The following PSMA3 variants were observed in gnomAD, a reference collection of about 807,000 sequenced individuals.
PSMA3 encodes proteasome 20S subunit alpha 3.
Under a neutral mutation model 40.0 loss-of-function variants are expected in PSMA3, and 8 were observed. The observed-to-expected ratio is 0.20, with a 90% confidence interval of 0.12 to 0.36. The LOEUF (loss-of-function observed/expected upper bound fraction) is 0.36. Among genes scored for constraint, PSMA3 ranks in the 10% least tolerant of loss-of-function variants. The probability of loss-of-function intolerance (pLI) is 1.00; values close to 1 mark genes in which losing one functional copy is unlikely to be tolerated. For missense variants in PSMA3, 219 were observed against 310.6 expected (o/e 0.70, Z 2.22); for synonymous variants, 110 against 100.0 (o/e 1.10, Z -0.59).
rs374039208 is a variant in PSMA3 at position 58,251,069 on chromosome 14, G to A, written c.105-1050G>A. Among the ~76,000 whole-genome samples the A allele has an allele frequency of 9.9e-5, 15 of 151,862 alleles. No individual in the cohort carries two copies. The East Asian group carries it at 2.5e-3, about 25-fold the overall frequency. On this transcript the variant is annotated intron_variant, in intron 2 of 10. Transcript: ENST00000216455. ...AGCCTCAGACTTCAATTCAATCTTG[G>A]GCAGCATGGCAAGACTCCATTTCTT... is the stretch of plus-strand genomic sequence containing the variant.
chr14:58,256,002 G>A (rs1890135922), intron 3 of PSMA3, among the ~76,000 whole-genome samples: 1 of 151,988 alleles, frequency 6.6e-6, no homozygotes, highest in Admixed American at 6.6e-5. Flanking sequence ...AGGATTATAG[G>A]TGCCCGCCAC....
intron 3 of PSMA3, among the ~76,000 whole-genome samples, chr14:58,256,318 G>A (rs1012243537): frequency 3.3e-5 from 5 of 151,938 alleles, no homozygotes; most frequent in East Asian, 3.9e-4. Context: ...GCAGTATATC[G>A]GATATTTTTC....
chr14:58,267,276 A>T, intron 7 of PSMA3, 198 bp from the exon 8 acceptor site: 1 of 994,316 alleles, frequency 1.0e-6, no homozygotes, highest in Non-Finnish European at 1.3e-6. Context: ...TGCTGGGATT[A>T]CAGGCACAAG....
intron 8 of PSMA3, chr14:58,269,979 A>G: frequency 6.4e-6 from 1 of 155,808 alleles, no homozygotes; most frequent in Non-Finnish European, 1.4e-5. Flanking sequence ...CCTCCTGAGT[A>G]GCTGAGATTA....
chr14:58,269,660 C>G (rs911014396), intron 8 of PSMA3: 4 of 151,404 alleles, frequency 2.6e-5, no homozygotes, highest in African/African-American at 9.7e-5. Flanking sequence ...TCTCGAACTC[C>G]TGACCTCATG....
chr14:58,266,861 GA>G (rs1890457677), intron 7 of PSMA3: 1 of 152,130 alleles, frequency 6.6e-6, no homozygotes, highest in Admixed American at 6.6e-5. Context: ...TGGCTATAAA[GA>G]AAATCAGATG....
chr14:58,267,650 A>G (rs1357523132), intron 8 of PSMA3, 130 bp downstream of exon 8: 17 of 1,271,446 alleles, frequency 1.3e-5, no homozygotes, highest in Non-Finnish European at 1.7e-5. Context: ...AGGTAAATTT[A>G]ACATTCTAAG....
In PSMA3 at chr14:58,262,036, T is replaced by A. The variant is rs562487471; in HGVS notation, c.477+1016T>A. Among the ~76,000 whole-genome samples the A allele has an allele frequency of 1.2e-3, 181 of 152,054 alleles. 1 individual carries two copies. Among genetic ancestry groups the A allele is most frequent in the Non-Finnish European group, 1.6e-3 (111 of 67,966 alleles). On this transcript the variant is annotated intron_variant, in intron 6 of 10. Coordinates refer to ENST00000216455, the MANE Select transcript of PSMA3 (RefSeq NM_002788.4). ...CTTCCGCCTCCTAGGTTCAAGCAAT[T>A]CTCCTGTCTCAGCCTCCTGATTAGC...
intron 1 of PSMA3, 144 bp downstream of exon 1, chr14:58,245,085 C>A: frequency 9.5e-7 from 1 of 1,053,120 alleles, no homozygotes; most frequent in South Asian, 1.3e-5. Flanking sequence ...GTTTGGAGAC[C>A]GGTCGTCTTT....
intron 3 of PSMA3, among the ~76,000 whole-genome samples, chr14:58,256,657 C>A (rs1304720390): frequency 6.6e-6 from 1 of 151,726 alleles, no homozygotes; most frequent in Admixed American, 6.6e-5. Context: ...TGTGATCCAC[C>A]TGCCTCAGCC....
At chr14:58,252,298 CTGAT>C in intron 3 of PSMA3, 56 bp downstream of exon 3, 15 of 1,573,958 alleles carry the variant, frequency 9.5e-6, no homozygotes, top group Non-Finnish European at 1.3e-5. Flanking sequence ...TTTGAAGTAA[CTGAT>C]TGGAATAGAT....
At chr14:58,245,031 G>A (rs1889847196) in intron 1 of PSMA3, 90 bp downstream of exon 1, 1 of 1,577,994 alleles carries the variant, frequency 6.3e-7, no homozygotes, top group Non-Finnish European at 8.7e-7. Flanking sequence ...CGCGGACCCG[G>A]GGTGCTCTGA....
chr14:58,255,409 A>G (rs1890120251), intron 3 of PSMA3, among the ~76,000 whole-genome samples: 1 of 152,210 alleles, frequency 6.6e-6, no homozygotes, highest in Admixed American at 6.5e-5. Flanking sequence ...TGGCATTGAA[A>G]GGAATGTAGT....
chr14:58,251,046 C>G (rs77444062), intron 2 of PSMA3, among the ~76,000 whole-genome samples: 134 of 151,998 alleles, frequency 8.8e-4, no homozygotes, highest in African/African-American at 3.0e-3. Flanking sequence ...ATTACTTGAG[C>G]CTCAGACTTC....
At chr14:58,257,002 TGAG>T (rs1890159515) in intron 3 of PSMA3, among the ~76,000 whole-genome samples, 1 of 149,058 alleles carries the variant, frequency 6.7e-6, no homozygotes, top group African/African-American at 2.5e-5. Context: ...CTGGGGAGGC[TGAG>T]GCAGGAGAAT....
At chr14:58,260,002 G>A (rs987644099) in intron 5 of PSMA3, among the ~76,000 whole-genome samples, 3 of 152,114 alleles carry the variant, frequency 2.0e-5, no homozygotes, top group African/African-American at 7.2e-5. Context: ...GTCTCATATC[G>A]GTAGAAAATG....
At chr14:58,263,126 G>A (rs1006960323) in intron 6 of PSMA3, among the ~76,000 whole-genome samples, 3 of 151,684 alleles carry the variant, frequency 2.0e-5, no homozygotes, top group Non-Finnish European at 2.9e-5. Flanking sequence ...GGCATTACAG[G>A]CACCTGCCAC....
At chr14:58,264,704 C>T (rs1890385868) in intron 7 of PSMA3, 1 of 152,180 alleles carries the variant, frequency 6.6e-6, no homozygotes, top group African/African-American at 2.4e-5. Flanking sequence ...AGTTCTAGAA[C>T]CCCCTATAAA....
At chr14:58,270,541 T>A (rs1890584503) in intron 9 of PSMA3, 56 bp downstream of exon 9, 5 of 1,607,300 alleles carry the variant, frequency 3.1e-6, no homozygotes, top group Middle Eastern at 3.3e-4. Context: ...CACAGCTAAT[T>A]TACAACTGAG....
Sources: gnomAD v4.1 joint callset for allele counts (sites outside exome capture counted in the v4.1 genomes callset) on GRCh38, gnomAD v4.1.1 for gene constraint, MANE v1.5 for transcripts, NCBI Gene and HGNC (gene_info 2026-07-23, HGNC 2026-07-21) for gene names.